ILDR1: variants seen among roughly 807,000 people sequenced by gnomAD.
The protein encoded by ILDR1 is immunoglobulin like domain containing receptor 1, also known as immunoglobulin-like domain-containing receptor 1.
A neutral mutation model predicts 62.4 loss-of-function variants in ILDR1; 56 were observed. That is an observed-to-expected ratio of 0.90 (90% CI 0.72 to 1.12). The LOEUF (loss-of-function observed/expected upper bound fraction) is 1.12, where lower values mean the gene tolerates loss of function less well. Ranked by LOEUF, ILDR1 falls within the 50% of genes most tolerant of loss-of-function variation. ILDR1 has a pLI of 0.00. For synonymous variants in ILDR1, 284 were observed against 277.8 expected (o/e 1.02, Z -0.22); for missense variants, 736 against 710.6 (o/e 1.04, Z -0.41).
At chr3:122,017,740 A>G (rs1392331983) in intron 1 of ILDR1, among the ~76,000 whole-genome samples, 4 of 152,250 alleles carry the variant, frequency 2.6e-5, no homozygotes, top group Admixed American at 2.6e-4. Context: ...AAGGATATGA[A>G]CAGACACTTC....
chr3:122,046,872 C>T, the ILDR1 span, among the ~76,000 whole-genome samples: 2 of 145,034 alleles, frequency 1.4e-5, no homozygotes, highest in African/African-American at 5.1e-5. Context: ...GAATGTCCTC[C>T]CATAGCTCAG....
At chr3:122,004,590 T>C (rs2071576087) in intron 3 of ILDR1, among the ~76,000 whole-genome samples, 1 of 152,190 alleles carries the variant, frequency 6.6e-6, no homozygotes, top group African/African-American at 2.4e-5. Flanking sequence ...GCACAGAGAA[T>C]AGATAGGCTT....
chr3:122,030,312 C>T, the ILDR1 span, among the ~76,000 whole-genome samples: 2 of 152,030 alleles, frequency 1.3e-5, no homozygotes, highest in African/African-American at 2.4e-5. Flanking sequence ...TTTGCCACCA[C>T]CTCCTTTGAC....
At chr3:122,020,773 A>G (rs777139630) in intron 1 of ILDR1, among the ~76,000 whole-genome samples, 3 of 152,196 alleles carry the variant, frequency 2.0e-5, no homozygotes, top group Admixed American at 6.5e-5. Flanking sequence ...GGTGAGGTTT[A>G]GTTATTTCCC....
intron 1 of ILDR1, among the ~76,000 whole-genome samples, chr3:122,009,798 G>C (rs955475122): frequency 8.5e-5 from 13 of 152,210 alleles, no homozygotes; most frequent in African/African-American, 3.1e-4. Flanking sequence ...TGACCTACTG[G>C]TCACAGCCCT....
At chr3:122,005,864 A>G (rs576189040) in intron 2 of ILDR1, among the ~76,000 whole-genome samples, 1 of 152,174 alleles carries the variant, frequency 6.6e-6, no homozygotes, top group Admixed American at 6.5e-5. Context: ...ACGCCATTGC[A>G]CTCCAGCCTG....
the ILDR1 span, among the ~76,000 whole-genome samples, chr3:122,037,456 T>A: frequency 1.3e-5 from 2 of 152,232 alleles, no homozygotes; most frequent in Non-Finnish European, 2.9e-5. Context: ...ATTTAATGAC[T>A]GCCCTGCTGG....
At chr3:122,010,674 C>G (rs956490032) in intron 1 of ILDR1, among the ~76,000 whole-genome samples, 1 of 152,090 alleles carries the variant, frequency 6.6e-6, no homozygotes, top group African/African-American at 2.4e-5. Context: ...GGAGATCTCA[C>G]CAACCACAGT....
chr3:122,029,511 A>AAAAAT, the ILDR1 span, among the ~76,000 whole-genome samples: 10 of 139,476 alleles, frequency 7.2e-5, no homozygotes, highest in African/African-American at 2.3e-4. Flanking sequence ...GTCTAAAAAA[A>AAAAAT]ATATATATAT....
At chr3:122,017,859 G>C (rs34841077) in intron 1 of ILDR1, among the ~76,000 whole-genome samples, 1 of 152,210 alleles carries the variant, frequency 6.6e-6, no homozygotes, top group African/African-American at 2.4e-5. Flanking sequence ...TCTCATGCCA[G>C]TTAGAATGGT....
the ILDR1 span, among the ~76,000 whole-genome samples, chr3:122,058,829 G>T: frequency 6.6e-6 from 1 of 152,110 alleles, no homozygotes; most frequent in Non-Finnish European, 1.5e-5. Flanking sequence ...GAGACTATTG[G>T]AGTAAGCCAA....
chr3:122,060,697 A>T, the ILDR1 span, among the ~76,000 whole-genome samples: 12,919 of 152,186 alleles, frequency 0.085, 561 homozygotes, highest in East Asian at 0.11. Flanking sequence ...TTCCCACCCA[A>T]AACTAGTTTG....
intron 1 of ILDR1, among the ~76,000 whole-genome samples, chr3:122,017,295 T>C (rs2071790149): frequency 6.6e-6 from 1 of 152,082 alleles, no homozygotes; most frequent in African/African-American, 2.4e-5. Context: ...ATGATCCACC[T>C]GCCTTGGCCT....
chr3:122,017,486 T>C (rs973329200), intron 1 of ILDR1, among the ~76,000 whole-genome samples: 2 of 152,214 alleles, frequency 1.3e-5, no homozygotes, highest in Non-Finnish European at 2.9e-5. Flanking sequence ...TGCATTGTTG[T>C]TGGGGCAAGA....
upstream of ILDR1, among the ~76,000 whole-genome samples, chr3:122,022,416 A>C (rs1239792193): frequency 6.6e-6 from 1 of 150,978 alleles, no homozygotes; most frequent in Non-Finnish European, 1.5e-5. Flanking sequence ...GAAGATTCCC[A>C]CTTTCCTCCA....
chr3:122,045,296 T>C, the ILDR1 span, among the ~76,000 whole-genome samples: 1 of 149,194 alleles, frequency 6.7e-6, no homozygotes, highest in Non-Finnish European at 1.5e-5. Context: ...TTTGTTATAA[T>C]TTCTGTTCTT....
Position 121,994,279 on chromosome 3 carries a change from C to T in ILDR1, c.681G>A (p.Gln227=), listed in dbSNP as rs761153460. Residue 227 remains glutamine (Q), a synonymous_variant, in exon 6 of 8, where the codon CAG becomes CAA. Transcript: ENST00000344209. The part of the protein sequence containing the change: ...LARHRYMKQA[Q]ALGPQMMGKP... The stretch of plus-strand genomic sequence containing the variant: ...TTCCCATCATCTGAGGACCTAGGGC[C>T]TGGGCCTGCTTCATGTAGCGGTGGC... 6.5e-7 allele frequency: 1 copy of T among 1,535,968 alleles called. No homozygotes were observed. The highest frequency in any genetic ancestry group is 2.0e-5 in the Admixed American group (1 of 51,000).
At chr3:121,999,633 T>C (rs2071487702) in intron 5 of ILDR1, among the ~76,000 whole-genome samples, 1 of 152,096 alleles carries the variant, frequency 6.6e-6, no homozygotes, top group Non-Finnish European at 1.5e-5. Flanking sequence ...CAGCAGCACA[T>C]CACCTGGAAA....
At chr3:122,016,265 G>A (rs891163511) in intron 1 of ILDR1, among the ~76,000 whole-genome samples, 6 of 152,200 alleles carry the variant, frequency 3.9e-5, no homozygotes, top group African/African-American at 1.4e-4. Flanking sequence ...CATCTACTAA[G>A]TGCTCTTGTG....
Sources: gnomAD v4.1 joint callset for allele counts (sites outside exome capture counted in the v4.1 genomes callset) on GRCh38, gnomAD v4.1.1 for gene constraint, MANE v1.5 for transcripts, NCBI Gene and HGNC (gene_info 2026-07-23, HGNC 2026-07-21) for gene names.